The following UPP2 variants were observed in gnomAD, a reference collection of about 807,000 sequenced individuals.
UPP2 encodes the protein uridine phosphorylase 2, also known as UPase 2.
A neutral mutation model predicts 26.7 loss-of-function variants in UPP2; 23 were observed. That is an observed-to-expected ratio of 0.86 (90% CI 0.62 to 1.22). The LOEUF (loss-of-function observed/expected upper bound fraction) is 1.22. UPP2 is among the 50% of genes most tolerant of loss of function. The pLI, the probability that UPP2 is intolerant of heterozygous loss-of-function variation, is 0.00. For synonymous variants in UPP2, 127 were observed against 141.3 expected (o/e 0.90, Z 0.72); for missense variants, 387 against 396.7 (o/e 0.98, Z 0.21).
At chr2:158,008,881 G>C (rs1211521123) in intron 2 of UPP2, among the ~76,000 whole-genome samples, 2 of 152,164 alleles carry the variant, frequency 1.3e-5, no homozygotes, top group Middle Eastern at 6.3e-3. Flanking sequence ...TCCACTGAAA[G>C]AACATTGAAC....
chr2:158,101,723 G>T (rs1031022195), upstream of UPP2: 6 of 474,268 alleles, frequency 1.3e-5, no homozygotes, highest in Admixed American at 3.2e-4. Flanking sequence ...CAGATGTAAG[G>T]GAAAGTTCTC....
chr2:158,000,244 A>C (rs1161255747), intron 2 of UPP2, among the ~76,000 whole-genome samples: 1 of 151,906 alleles, frequency 6.6e-6, no homozygotes, highest in East Asian at 1.9e-4. Context: ...GCTCCTTCTG[A>C]GTGGCTCTTT....
chr2:158,080,893 T>G (rs564173460), intron 3 of UPP2, among the ~76,000 whole-genome samples: 14 of 152,260 alleles, frequency 9.2e-5, no homozygotes, highest in African/African-American at 3.1e-4. Context: ...AGAGGAAAGA[T>G]CTCCAGAAAC....
chr2:158,048,202 A>G (rs1574262613), intron 3 of UPP2, among the ~76,000 whole-genome samples: 1 of 152,216 alleles, frequency 6.6e-6, no homozygotes, highest in Non-Finnish European at 1.5e-5. Context: ...GTGTGGCTGG[A>G]AGGAACACTT....
chr2:158,124,647 T>G (rs192429363), intron 6 of UPP2, among the ~76,000 whole-genome samples: 4 of 152,280 alleles, frequency 2.6e-5, no homozygotes, highest in African/African-American at 9.6e-5. Context: ...TGAGAGTTGA[T>G]GGACAAAGTG....
At chr2:158,085,525 C>T (rs1682800560) in intron 3 of UPP2, among the ~76,000 whole-genome samples, 1 of 152,212 alleles carries the variant, frequency 6.6e-6, no homozygotes, top group Middle Eastern at 3.4e-3. Context: ...CTGGCTAGGA[C>T]TTCTAGTACT....
chr2:158,057,143 C>T (rs960963241), intron 3 of UPP2, among the ~76,000 whole-genome samples: 1 of 152,182 alleles, frequency 6.6e-6, no homozygotes, highest in African/African-American at 2.4e-5. Flanking sequence ...ACAGTGTCAA[C>T]AAGATTTATC....
intron 4 of UPP2, 123 bp downstream of exon 4, chr2:158,118,061 C>A: frequency 1.3e-6 from 1 of 775,672 alleles, no homozygotes; most frequent in Non-Finnish European, 2.1e-6. Context: ...TGTCAGAAGG[C>A]TGGACTTGAG....
chr2:158,041,820 C>T (rs1036463225), intron 3 of UPP2, among the ~76,000 whole-genome samples: 1 of 152,252 alleles, frequency 6.6e-6, no homozygotes, highest in Admixed American at 6.5e-5. Context: ...TTCCCTCTCC[C>T]ACCTCCCCCA....
At chr2:158,002,118 CA>C (rs1284237714) in intron 2 of UPP2, among the ~76,000 whole-genome samples, 1 of 151,874 alleles carries the variant, frequency 6.6e-6, no homozygotes, top group Admixed American at 6.6e-5. Context: ...AAAGTGCTTA[CA>C]GGGGAAGCCA....
At chr2:158,024,622 T>C (rs1368784590) in intron 3 of UPP2, among the ~76,000 whole-genome samples, 2 of 152,144 alleles carry the variant, frequency 1.3e-5, no homozygotes, top group Non-Finnish European at 2.9e-5. Context: ...CAAGAAGAAA[T>C]GGCTTCACAG....
chr2:158,130,456 AAAAAAC>A (rs1683794098), intron 6 of UPP2, among the ~76,000 whole-genome samples: 1 of 92,096 alleles, frequency 1.1e-5, no homozygotes, highest in African/African-American at 3.9e-5. Flanking sequence ...GTCTCAAAAA[AAAAAAC>A]AAAAAAAAAA....
intron 3 of UPP2, among the ~76,000 whole-genome samples, chr2:158,031,206 T>C (rs1683915234): frequency 6.6e-6 from 1 of 152,160 alleles, no homozygotes; most frequent in African/African-American, 2.4e-5. Flanking sequence ...CTTTCCTCCT[T>C]CATTAGTTGT....
At chr2:158,133,436 C>T (rs975423783) in intron 6 of UPP2, among the ~76,000 whole-genome samples, 4 of 151,920 alleles carry the variant, frequency 2.6e-5, no homozygotes, top group East Asian at 1.9e-4. Flanking sequence ...GGATTAAGCT[C>T]GAGAGATCTA....
chr2:158,095,262 CT>C (rs1200915095), intron 3 of UPP2, among the ~76,000 whole-genome samples: 2 of 152,132 alleles, frequency 1.3e-5, no homozygotes, highest in African/African-American at 4.8e-5. Context: ...AGCTTTAGGA[CT>C]GGGCCATCAT....
At chr2:158,038,608 T>C (rs1684038365) in intron 3 of UPP2, among the ~76,000 whole-genome samples, 1 of 152,252 alleles carries the variant, frequency 6.6e-6, no homozygotes, top group African/African-American at 2.4e-5. Flanking sequence ...TCATTCTTTT[T>C]ATTGCAGAGA....
intron 3 of UPP2, among the ~76,000 whole-genome samples, chr2:158,058,162 G>A (rs564650013): frequency 2.1e-3 from 324 of 152,008 alleles, no homozygotes; most frequent in Non-Finnish European, 3.8e-3. Flanking sequence ...GTATTGTGGC[G>A]TGCGCCTGTA....
chr2:158,115,540 C>T (rs917020023), intron 3 of UPP2, among the ~76,000 whole-genome samples: 3 of 152,160 alleles, frequency 2.0e-5, no homozygotes, highest in Non-Finnish European at 4.4e-5. Flanking sequence ...CACCCCTCAC[C>T]CCCGCCACGG....
At chr2:158,074,423 T>A (rs1009793054) in intron 3 of UPP2, among the ~76,000 whole-genome samples, 7 of 152,106 alleles carry the variant, frequency 4.6e-5, no homozygotes, top group African/African-American at 1.4e-4. Flanking sequence ...GTTAAAAAGC[T>A]GGGGGATAAA....
Sources: gnomAD v4.1 joint callset for allele counts (sites outside exome capture counted in the v4.1 genomes callset) on GRCh38, gnomAD v4.1.1 for gene constraint, MANE v1.5 for transcripts, NCBI Gene and HGNC (gene_info 2026-07-23, HGNC 2026-07-21) for gene names.